The following PATJ variants were observed in gnomAD, a reference collection of about 807,000 sequenced individuals.
The protein encoded by PATJ is inaD-like protein.
In PATJ, 190 loss-of-function variants were observed where a neutral mutation model predicts 224.9. That is an observed-to-expected ratio of 0.84 (90% CI 0.75 to 0.95). The LOEUF (loss-of-function observed/expected upper bound fraction) is 0.95. PATJ is among the 40% of genes least tolerant of loss of function. The pLI, the probability that PATJ is intolerant of heterozygous loss-of-function variation, is 0.00. For synonymous variants in PATJ, 769 were observed against 820.3 expected (o/e 0.94, Z 1.07); for missense variants, 2,121 against 2,270.3 (o/e 0.93, Z 1.34).
At chr1:61,866,187 T>A (rs2148964951) in intron 20 of PATJ, among the ~76,000 whole-genome samples, 1 of 152,358 alleles carries the variant, frequency 6.6e-6, no homozygotes, top group East Asian at 1.9e-4. Flanking sequence ...TGAATCAAAT[T>A]GGAAAGATTA....
chr1:61,801,810 A>C (rs760763824), intron 12 of PATJ, 41 bp downstream of exon 12: 5 of 1,385,816 alleles, frequency 3.6e-6, no homozygotes, highest in Non-Finnish European at 4.8e-6. Flanking sequence ...AGACTTCTTC[A>C]TTTGTTAACC....
chr1:62,163,114 A>T lies in PATJ; in HGVS notation c.*2060A>T, dbSNP rs1669956122. On this transcript the variant is annotated 3_prime_UTR_variant, in exon 44 of 44. Transcript: ENST00000642238. Reference sequence around the variant, plus strand: ...TAAGTATAGATTTTAATTGAGAATTATCTTTGAGTAGATGTAATCACAAAG... The same window carrying T: ...TAAGTATAGATTTTAATTGAGAATTTTCTTTGAGTAGATGTAATCACAAAG... The T allele has an allele frequency of 6.1e-6, 1 of 163,264 alleles. No homozygotes were observed. Among genetic ancestry groups the T allele is most frequent in the Non-Finnish European group, 1.3e-5 (1 of 74,258 alleles). 10.1% of individuals were successfully genotyped at this position (163,264 alleles called of 1,614,324 possible).
At chr1:62,047,342 T>C (rs942630188) in intron 30 of PATJ, among the ~76,000 whole-genome samples, 1 of 152,206 alleles carries the variant, frequency 6.6e-6, no homozygotes, top group Non-Finnish European at 1.5e-5. Flanking sequence ...CCGCAACCTC[T>C]GCCTCCTGGG....
At chr1:61,889,312 G>A (rs1669272458) in intron 22 of PATJ, among the ~76,000 whole-genome samples, 1 of 152,164 alleles carries the variant, frequency 6.6e-6, no homozygotes, top group Non-Finnish European at 1.5e-5. Flanking sequence ...TAGGAGGTAG[G>A]ACTGGTATTA....
chr1:62,006,587 T>G lies in PATJ; in HGVS notation c.3868-11269T>G, dbSNP rs977307427. ...AAAAGGATTTGAATTCATTTACTTT[T>G]GCTGAATTTTCACTGGATTAACCCT... On this transcript the variant is annotated intron_variant, in intron 28 of 43. Transcript: ENST00000642238. Among the ~76,000 whole-genome samples the G allele has an allele frequency of 7.2e-5, 11 of 152,252 alleles. No individual in the cohort carries two copies. The South Asian group carries it at 1.0e-3, about 14-fold the overall frequency.
intron 7 of PATJ, among the ~76,000 whole-genome samples, chr1:61,781,624 C>T (rs1557634302): frequency 1.3e-5 from 2 of 152,170 alleles, no homozygotes; most frequent in Non-Finnish European, 2.9e-5. Flanking sequence ...AGTGTGTGAG[C>T]TTTAGAATCA....
chr1:61,813,388 C>CAA (rs1356274481), intron 14 of PATJ, among the ~76,000 whole-genome samples: 38 of 134,878 alleles, frequency 2.8e-4, no homozygotes, highest in African/African-American at 9.6e-4. Context: ...TACACACACA[C>CAA]ACACACACAC....
intron 33 of PATJ, among the ~76,000 whole-genome samples, chr1:62,101,263 T>C (rs12750695): frequency 6.8e-5 from 10 of 147,714 alleles, no homozygotes; most frequent in South Asian, 6.5e-4. Context: ...TCTTTTCTTT[T>C]TTTTTTTTTT....
intron 14 of PATJ, among the ~76,000 whole-genome samples, chr1:61,812,433 A>AGAGAGAGTGTGTGTGTGT (rs1397549346): frequency 1.2e-5 from 1 of 85,148 alleles, no homozygotes; most frequent in Non-Finnish European, 2.4e-5. Context: ...AGAGAGAGAG[A>AGAGAGAGTGTGTGTGTGT]GTGTGTGTGT....
intron 1 of PATJ, among the ~76,000 whole-genome samples, chr1:61,748,184 A>G (rs1359898204): frequency 7.7e-6 from 1 of 130,004 alleles, no homozygotes; most frequent in Non-Finnish European, 1.6e-5. Context: ...GAATATGTTT[A>G]TTCTTAAGAG....
chr1:62,135,596 G>T (rs1262543177), intron 41 of PATJ, among the ~76,000 whole-genome samples: 2 of 151,464 alleles, frequency 1.3e-5, no homozygotes, highest in Non-Finnish European at 2.9e-5. Flanking sequence ...AAGACCCAAG[G>T]TTTGAAAGTT....
intron 22 of PATJ, among the ~76,000 whole-genome samples, chr1:61,888,798 T>C (rs979878797): frequency 4.6e-5 from 7 of 152,232 alleles, no homozygotes; most frequent in Non-Finnish European, 1.0e-4. Context: ...AGGGAAGATA[T>C]ACTTTGTTCT....
intron 18 of PATJ, 152 bp downstream of exon 18, chr1:61,856,391 C>T (rs753722226): frequency 1.6e-6 from 1 of 632,970 alleles, no homozygotes; most frequent in South Asian, 2.0e-5. Context: ...CCTTGACTTA[C>T]AATATCAGAA....
In PATJ at chr1:61,797,279, T is replaced by A. The variant is rs894778907; in HGVS notation, c.1261-8T>A. The A allele has an allele frequency of 1.9e-5, 31 of 1,607,776 alleles. No homozygotes were observed. Among genetic ancestry groups the A allele is most frequent in the Non-Finnish European group, 2.6e-5 (30 of 1,174,780 alleles). On this transcript the variant is annotated splice_region_variant and splice_polypyrimidine_tract_variant and intron_variant, in intron 10 of 43. Transcript: ENST00000642238. ...AACCTCTGCTTAATGTTTCTCTTGA[T>A]GTTTTAGGTCGATGGCGTGAACATT...
At chr1:61,978,709 T>C (rs1012131060) in intron 27 of PATJ, among the ~76,000 whole-genome samples, 21 of 152,094 alleles carry the variant, frequency 1.4e-4, no homozygotes, top group African/African-American at 5.1e-4. Context: ...TTTTTTTAAG[T>C]GGAATTGTTA....
chr1:61,865,447 G>A (rs1451174823), intron 20 of PATJ: 2 of 151,774 alleles, frequency 1.3e-5, no homozygotes, highest in Non-Finnish European at 1.5e-5. Context: ...GCCCAGGCTG[G>A]TCTTGAACTC....
chr1:61,744,056 C>T (rs1317901805), intron 1 of PATJ, among the ~76,000 whole-genome samples: 4 of 152,134 alleles, frequency 2.6e-5, no homozygotes, highest in Non-Finnish European at 5.9e-5. Context: ...TGCCTCATGC[C>T]TGTTATCTCA....
Position 62,114,222 on chromosome 1 carries a change from T to G in PATJ, c.4631T>G (p.Leu1544Arg), listed in dbSNP as rs571784220. 27 of 1,613,842 alleles carry G rather than the reference T, an allele frequency of 1.7e-5. No individual in the cohort carries two copies. In the South Asian group the frequency reaches 3.0e-4, roughly 18 times the overall value. Residue 1544 changes from leucine (L) to arginine (R), a missense_variant, in exon 35 of 44, where the codon CTG becomes CGG. Coordinates refer to ENST00000642238, the MANE Select transcript of PATJ (RefSeq NM_001350145.3). ...CTGCAGAAGAAAGCTGGCCGGGGCC[T>G]GGGCCTGAGCATCGTTGGGAAACGG... ...VDLQKKAGRG[L>R]GLSIVGKRNG...
At chr1:61,772,735 G>A (rs1557617306) in intron 6 of PATJ, among the ~76,000 whole-genome samples, 1 of 152,174 alleles carries the variant, frequency 6.6e-6, no homozygotes, top group Non-Finnish European at 1.5e-5. Context: ...GGGCTTTGGA[G>A]TCAGGTTTGG....
Sources: allele counts gnomAD v4.1 joint callset (sites outside exome capture counted in the v4.1 genomes callset), GRCh38; gene constraint gnomAD v4.1.1; transcripts MANE v1.5; gene names NCBI Gene and HGNC (gene_info 2026-07-23, HGNC 2026-07-21).